Variants in UMODL1 observed in about 807,000 individuals in gnomAD.
UMODL1 encodes uromodulin-like 1.
UMODL1 carries 128 observed loss-of-function variants against 136.3 expected under a neutral mutation model. The observed-to-expected ratio is 0.94, with a 90% CI of 0.81 to 1.09. The LOEUF is 1.09. Among genes scored for constraint, UMODL1 ranks in the 50% least tolerant of loss-of-function variants. UMODL1 has a pLI of 0.00. For synonymous variants in UMODL1, 721 were observed against 720.0 expected (o/e 1.00, Z -0.02); for missense variants, 1,766 against 1,725.6 (o/e 1.02, Z -0.41).
chr21:42,116,273 G>C lies in UMODL1; in HGVS notation c.2475+288G>C, dbSNP rs375421366. Among the ~76,000 whole-genome samples the C allele has an allele frequency of 3.3e-5, 5 of 151,060 alleles. No homozygotes were observed. In the East Asian group the frequency reaches 5.8e-4, roughly 18 times the overall value. On this transcript the variant is annotated intron_variant, in intron 14 of 22. Coordinates refer to ENST00000408910, the MANE Select transcript of UMODL1 (RefSeq NM_001004416.3). Reference sequence around the variant, plus strand: ...GCAGGCTAAGGCAGGAGAATCTCTTGAACCCAGGAGGCAGAGGTTGCAGTA... The same window carrying C: ...GCAGGCTAAGGCAGGAGAATCTCTTCAACCCAGGAGGCAGAGGTTGCAGTA...
rs2146450802 is a variant in UMODL1 at position 42,090,331 on chromosome 21, C to G, written c.824C>G (p.Ala275Gly). The G allele has an allele frequency of 6.2e-7, 1 of 1,614,176 alleles. No homozygotes were observed. The highest frequency in any genetic ancestry group is 2.2e-5 in the East Asian group (1 of 44,882). ...VNECFYEELN[A>G]CSGRELCANL... is the part of the protein sequence containing the mutation. ...GAGTGTTTCTATGAGGAGCTCAATGCCTGCTCTGGAAGGGAACTGTGCGCA... is the reference window on the plus strand; with the variant it reads ...GAGTGTTTCTATGAGGAGCTCAATGGCTGCTCTGGAAGGGAACTGTGCGCA... The change falls in exon 6 of 23, where the codon GCC becomes GGC. Residue 275 changes from alanine to glycine, a missense_variant. Transcript: ENST00000408910.
At chr21:42,101,681 A>G (rs1231856777) in intron 7 of UMODL1, 1 of 454,674 alleles carries the variant, frequency 2.2e-6, no homozygotes, top group South Asian at 1.6e-5. Context: ...CCTTGTAAGT[A>G]AGCAACCCTA....
intron 20 of UMODL1, among the ~76,000 whole-genome samples, chr21:42,128,936 G>C (rs2067098216): frequency 6.6e-6 from 1 of 152,236 alleles, no homozygotes; most frequent in Admixed American, 6.5e-5. Flanking sequence ...CTGGAGGCAG[G>C]AAGTCCAAGA....
In UMODL1 at chr21:42,110,926, G is replaced by T; in HGVS notation, c.1704G>T (p.Gly568=). 2 of 1,612,710 alleles carry T rather than the reference G, an allele frequency of 1.2e-6. No individual in the cohort carries two copies. The highest frequency in any genetic ancestry group is 2.2e-5 in the South Asian group (2 of 90,606). ...PMGGGLSAAT[G]VTVPGLGTGT... ...GCGGTGGACTGTCTGCGGCAACAGGGGTAACGGTCCCAGGTCTTGGCACGG... is the reference window on the plus strand; with the variant it reads ...GCGGTGGACTGTCTGCGGCAACAGGTGTAACGGTCCCAGGTCTTGGCACGG... Residue 568 remains glycine (G), a synonymous_variant, in exon 11 of 23, where the codon GGG becomes GGT. Coordinates refer to ENST00000408910, the MANE Select transcript of UMODL1 (RefSeq NM_001004416.3).
At chr21:42,068,787 TGA>T (rs2066204212), upstream of UMODL1, among the ~76,000 whole-genome samples, 1 of 152,190 alleles carries the variant, frequency 6.6e-6, no homozygotes, top group African/African-American at 2.4e-5. The surrounding 1 kb of genome is among the most constrained non-coding windows in gnomAD (Gnocchi z 5.5). Flanking sequence ...TGGACTTGTG[TGA>T]GTGTGTCTGT....
Position 42,102,183 on chromosome 21 carries a change from G to T in UMODL1, c.1204G>T (p.Val402Phe). ...TGTCTCAGATGCCCAGGTATTTGAAGTCACAATAAAGATTGTAAACCACAA... is the reference window on the plus strand; with the variant it reads ...TGTCTCAGATGCCCAGGTATTTGAATTCACAATAAAGATTGTAAACCACAA... Reference protein sequence around the residue: ...TIKTNAQVFEVTIKIVNHNLT... With the variant: ...TIKTNAQVFEFTIKIVNHNLT... The change falls in exon 8 of 23, where the codon GTC becomes TTC. Residue 402 changes from valine (V) to phenylalanine (F), a missense_variant. Coordinates refer to ENST00000408910, the MANE Select transcript of UMODL1 (RefSeq NM_001004416.3). The T allele has an allele frequency of 6.2e-7, 1 of 1,612,672 alleles. No homozygotes were observed. Among genetic ancestry groups the T allele is most frequent in the Non-Finnish European group, 8.5e-7 (1 of 1,179,030 alleles).
At chr21:42,081,791 A>C (rs1161757494) in intron 2 of UMODL1, among the ~76,000 whole-genome samples, 1 of 152,166 alleles carries the variant, frequency 6.6e-6, no homozygotes. Flanking sequence ...GGGAAACTCC[A>C]TAGTTTATTT....
intron 8 of UMODL1, chr21:42,103,544 C>T (rs1442746147): frequency 4.6e-6 from 2 of 436,718 alleles, no homozygotes; most frequent in African/African-American, 2.0e-5. Flanking sequence ...TTCTCACACG[C>T]TCACACAAAT....
chr21:42,085,179 C>A lies in UMODL1; in HGVS notation c.482-112C>A. 1.5e-6 allele frequency: 2 copies of A among 1,370,936 alleles called. No homozygotes were observed. The highest frequency in any genetic ancestry group is 2.1e-5 in the Admixed American group (1 of 47,290). The allele number at this position is 1,370,936 out of a possible 1,614,324, so 84.9% of individuals were successfully genotyped here. ...TTTTTGCAGGGAGGTAAATGCAGAG[C>A]AGGGCCTCTCATGGCCTCTGGTTCC... On this transcript the variant is annotated intron_variant, in intron 3 of 22. Transcript: ENST00000408910. The surrounding 1 kb of genome is among the most constrained non-coding windows in gnomAD (Gnocchi z 4.5).
At chr21:42,109,075 C>A (rs34632081) in intron 9 of UMODL1, among the ~76,000 whole-genome samples, 17,974 of 94,972 alleles carry the variant, frequency 0.19, 3,608 homozygotes, top group African/African-American at 0.24. Flanking sequence ...TGTTATACTC[C>A]GCTGGACCCC....
chr21:42,075,140 C>T (rs1294906173), intron 1 of UMODL1, among the ~76,000 whole-genome samples: 2 of 152,094 alleles, frequency 1.3e-5, no homozygotes, highest in African/African-American at 4.8e-5. Context: ...CCTCGTGATC[C>T]GCCCACCTTG....
At chr21:42,112,264 T>C (rs2066842667) in intron 12 of UMODL1, among the ~76,000 whole-genome samples, 1 of 151,264 alleles carries the variant, frequency 6.6e-6, no homozygotes, top group Non-Finnish European at 1.5e-5. Context: ...CCCCGGCTCT[T>C]CTGTACTCCC....
chr21:42,088,399 C>T lies in UMODL1; in HGVS notation c.709C>T (p.Pro237Ser). ...VSRLLLGLPR[P>S]LPVADVSTLL... ...GCGGCTGCTACTGGGCCTGCCACGG[C>T]CACTGCCTGTGGCTGACGTCTCCAC... Residue 237 changes from proline (P) to serine (S), a missense_variant, in exon 5 of 23, where the codon CCA becomes TCA. Pro to Ser is a moderately conservative substitution (Grantham distance 74, BLOSUM62 -1). Coordinates refer to ENST00000408910, the MANE Select transcript of UMODL1 (RefSeq NM_001004416.3). The T allele has an allele frequency of 1.2e-6, 2 of 1,614,072 alleles. No homozygotes were observed. The highest frequency in any genetic ancestry group is 1.7e-6 in the Non-Finnish European group (2 of 1,180,006).
chr21:42,089,811 G>C (rs373401297), intron 5 of UMODL1, among the ~76,000 whole-genome samples: 1 of 152,226 alleles, frequency 6.6e-6, no homozygotes, highest in Non-Finnish European at 1.5e-5. Flanking sequence ...AGCTTATCGC[G>C]CTGTCTGTAC....
At chr21:42,067,597 G>T (rs775880971), upstream of UMODL1, among the ~76,000 whole-genome samples, 2 of 152,236 alleles carry the variant, frequency 1.3e-5, no homozygotes, top group African/African-American at 4.8e-5. Context: ...TCCACTGTGA[G>T]GCATGCAGGG....
rs753115273 is a variant in UMODL1 at position 42,104,014 on chromosome 21, G to A, written c.1446G>A (p.Thr482=). Residue 482 remains threonine, a synonymous_variant, in exon 9 of 23, where the codon ACG becomes ACA. Transcript: ENST00000408910. Reference sequence around the variant, plus strand: ...CCGGGTTTCCCATGGGCATCTCCACGCTGGCCCCCATACTCCAGCCCCTGT... The same window carrying A: ...CCGGGTTTCCCATGGGCATCTCCACACTGGCCCCCATACTCCAGCCCCTGT... The part of the protein sequence containing the change: ...QDPGFPMGIS[T]LAPILQPLLA... 21 of 1,613,960 alleles carry A rather than the reference G, an allele frequency of 1.3e-5. No homozygotes were observed. The highest frequency in any genetic ancestry group is 2.2e-5 in the South Asian group (2 of 91,072).
chr21:42,118,915 A>G (rs1420666102), intron 14 of UMODL1, among the ~76,000 whole-genome samples, 196 bp from the exon 15 acceptor site: 13 of 152,110 alleles, frequency 8.5e-5, no homozygotes, highest in Admixed American at 8.5e-4. Context: ...TTCTCATATC[A>G]CAGACACTCC....
At chr21:42,063,813 G>T (rs1015492984) in intron 1 of UMODL1, among the ~76,000 whole-genome samples, 2 of 152,192 alleles carry the variant, frequency 1.3e-5, no homozygotes, top group Non-Finnish European at 2.9e-5. Flanking sequence ...TGCAATTAAA[G>T]CAGGAAGCCC....
At position 42,102,292 on chromosome 21, in the gene UMODL1, G is replaced by A. The variant is rs1466731346; in HGVS notation, c.1299+14G>A. 1 of 1,571,814 alleles carries A rather than the reference G, an allele frequency of 6.4e-7. No individual in the cohort carries two copies. Among genetic ancestry groups the A allele is most frequent in the Non-Finnish European group, 8.7e-7 (1 of 1,144,884 alleles). On this transcript the variant is annotated intron_variant, in intron 8 of 22. Coordinates refer to ENST00000408910, the MANE Select transcript of UMODL1 (RefSeq NM_001004416.3). ...CTGCTTCACGAGGTAAAGCCACAATGCAGACAGAAATCTTTTCTTGGGTGT... is the reference window on the plus strand; with the variant it reads ...CTGCTTCACGAGGTAAAGCCACAATACAGACAGAAATCTTTTCTTGGGTGT...
Sources: allele counts gnomAD v4.1 joint callset (sites outside exome capture counted in the v4.1 genomes callset), GRCh38; gene constraint gnomAD v4.1.1; non-coding constraint Gnocchi (gnomAD v3.1); transcripts MANE v1.5; gene names NCBI Gene and HGNC (gene_info 2026-07-23, HGNC 2026-07-21).